Variants in MTFR1 observed in about 807,000 individuals in gnomAD.
The protein encoded by MTFR1 is mitochondrial fission regulator 1.
Under a neutral mutation model 38.8 loss-of-function variants are expected in MTFR1, and 28 were observed. The ratio of observed to expected loss-of-function variants is 0.72; its 90% CI spans 0.53 to 0.99. The LOEUF (loss-of-function observed/expected upper bound fraction) is 0.99, where lower values mean the gene tolerates loss of function less well. MTFR1 is among the 50% of genes least tolerant of loss of function. The probability of loss-of-function intolerance (pLI) is 0.00; values close to 1 mark genes in which losing one functional copy is unlikely to be tolerated. For synonymous variants in MTFR1, 145 were observed against 137.0 expected, an observed-to-expected ratio of 1.06 and a Z score of -0.41; for missense variants, 358 against 395.5, an observed-to-expected ratio of 0.91 and a Z score of 0.81.
rs200858272 is a variant in MTFR1, at chr8:65,707,243, C to T, written c.751C>T (p.Arg251Trp). The change falls in exon 6 of 8, where the codon CGG (arginine) becomes TGG (tryptophan). Residue 251 changes from arginine to tryptophan, a missense_variant. Arg to Trp is a moderately radical substitution (Grantham distance 101). Transcript: ENST00000262146. ...ILKEMNSVKL[R>W]SVKRSEQDVK... ...TAAAGAGATGAACAGTGTAAAACTT[C>T]GGTCAGTGAAGAGGTGAGGATACAT... The T allele has an allele frequency of 2.4e-5, 38 of 1,613,572 alleles. No homozygotes were observed. Among genetic ancestry groups the T allele is most frequent in the African/African-American group, 2.7e-5 (2 of 74,850 alleles).
At chr8:65,723,746 C>G (rs914286199) in intron 3 of MTFR1, 8 of 584,094 alleles carry the variant, frequency 1.4e-5, no homozygotes, top group Non-Finnish European at 1.9e-5. Flanking sequence ...GAGAGGACAG[C>G]TTCGCAATTA....
At chr8:65,761,760 A>G (rs1490389929) in intron 3 of MTFR1, among the ~76,000 whole-genome samples, 1 of 152,246 alleles carries the variant, frequency 6.6e-6, no homozygotes, top group Non-Finnish European at 1.5e-5. Context: ...AAAAAGTGGG[A>G]TAGCAGACGA....
chr8:65,721,158 C>T (rs140550332), intron 3 of MTFR1, among the ~76,000 whole-genome samples: 1 of 152,356 alleles, frequency 6.6e-6, no homozygotes, highest in African/African-American at 2.4e-5. Flanking sequence ...TCGAACACAG[C>T]TGTTCAACCA....
At chr8:65,750,496 G>GTC (rs1438457923) in intron 3 of MTFR1, among the ~76,000 whole-genome samples, 1 of 144,584 alleles carries the variant, frequency 6.9e-6, no homozygotes, top group Non-Finnish European at 1.5e-5. Context: ...GTGTGTGTGT[G>GTC]TGTGTGTCTG....
At chr8:65,696,333 A>C (rs1405037750) in intron 4 of MTFR1, among the ~76,000 whole-genome samples, 1 of 152,182 alleles carries the variant, frequency 6.6e-6, no homozygotes, top group Non-Finnish European at 1.5e-5. Context: ...TAAACTTTTT[A>C]TTTTGAGATA....
intron 1 of MTFR1, among the ~76,000 whole-genome samples, chr8:65,650,491 T>C (rs1444720368): frequency 6.6e-6 from 1 of 152,184 alleles, no homozygotes; most frequent in Non-Finnish European, 1.5e-5. Flanking sequence ...TATACTCTTA[T>C]CTGCATGAGT....
chr8:65,744,182 T>A (rs1807567563), intron 3 of MTFR1, among the ~76,000 whole-genome samples: 1 of 151,816 alleles, frequency 6.6e-6, no homozygotes, highest in South Asian at 2.1e-4. Context: ...AACAAAATAT[T>A]TCAAATAAGA....
chr8:65,707,206 G>T lies in MTFR1; in HGVS notation c.714G>T (p.Met238Ile), dbSNP rs143175982. Reference protein sequence around the residue: ...NNPKKPEMPNMLEILKEMNSV... With the variant: ...NNPKKPEMPNILEILKEMNSV... Reference sequence around the variant, plus strand: ...CAAAGAAACCTGAAATGCCAAATATGCTAGAGATCCTTAAAGAGATGAACA... The same window carrying T: ...CAAAGAAACCTGAAATGCCAAATATTCTAGAGATCCTTAAAGAGATGAACA... Residue 238 changes from methionine (M) to isoleucine (I), a missense_variant, in exon 6 of 8, where the codon ATG (methionine) becomes ATT (isoleucine). Physicochemically the swap from Met to Ile is conservative, Grantham distance 10. Transcript: ENST00000262146. The T allele has an allele frequency of 5.0e-6, 8 of 1,614,186 alleles. No individual in the cohort carries two copies. Among genetic ancestry groups the T allele is most frequent in the Non-Finnish European group, 6.8e-6 (8 of 1,180,020 alleles).
intron 4 of MTFR1, among the ~76,000 whole-genome samples, chr8:65,697,286 A>T (rs537479003): frequency 6.6e-6 from 1 of 152,268 alleles, no homozygotes; most frequent in East Asian, 1.9e-4. Flanking sequence ...CGCCTGGCCA[A>T]ACAAAGGTGT....
chr8:65,761,768 C>T (rs1029786830), intron 3 of MTFR1, among the ~76,000 whole-genome samples: 15 of 152,124 alleles, frequency 9.9e-5, no homozygotes, highest in African/African-American at 3.1e-4. Flanking sequence ...GGATAGCAGA[C>T]GAATGTAAAA....
intron 3 of MTFR1, among the ~76,000 whole-genome samples, chr8:65,743,569 T>C (rs992283104): frequency 6.6e-6 from 1 of 152,192 alleles, no homozygotes; most frequent in Non-Finnish European, 1.5e-5. Context: ...ACAGAAGGTA[T>C]AGACAAAGGT....
intron 2 of MTFR1, among the ~76,000 whole-genome samples, chr8:65,681,717 A>G (rs1334012763): frequency 2.1e-5 from 3 of 142,270 alleles, no homozygotes; most frequent in African/African-American, 7.9e-5. Context: ...GTCTTTAAGC[A>G]TAGCATAATG....
chr8:65,778,511 A>G, the MTFR1 span, among the ~76,000 whole-genome samples: 2 of 152,208 alleles, frequency 1.3e-5, no homozygotes, highest in Non-Finnish European at 2.9e-5. Flanking sequence ...ACTGTAGAGC[A>G]CAAGCAAGCC....
chr8:65,659,681 A>G (rs983080388), intron 1 of MTFR1, among the ~76,000 whole-genome samples: 28 of 152,210 alleles, frequency 1.8e-4, no homozygotes, highest in African/African-American at 6.5e-4. Context: ...GGCTGTTTAC[A>G]GTAACTAGGG....
rs541049339 is a variant in MTFR1 at position 65,707,780 on chromosome 8, G to A, written c.765-63G>A. 4.0e-5 allele frequency: 62 copies of A among 1,567,866 alleles called. No individual in the cohort carries two copies. The South Asian group carries it at 6.8e-4, about 17-fold the overall frequency. On this transcript the variant is annotated intron_variant, in intron 6 of 7. Transcript: ENST00000262146. The stretch of plus-strand genomic sequence containing the variant: ...TGCTGTCAGGCAAAAGGTTGACAAA[G>A]TACTTCCCTGAGGGTGGCCAGTGTA...
chr8:65,710,786 A>AATC (rs1383379833), downstream of MTFR1, among the ~76,000 whole-genome samples: 23 of 152,256 alleles, frequency 1.5e-4, no homozygotes, highest in Admixed American at 1.5e-3. Context: ...TCAAACCCAT[A>AATC]ATCTACTTCT....
chr8:65,752,634 C>A (rs764062563), intron 3 of MTFR1, among the ~76,000 whole-genome samples: 1 of 152,128 alleles, frequency 6.6e-6, no homozygotes, highest in Non-Finnish European at 1.5e-5. Flanking sequence ...TCATTGTTAA[C>A]CATTCTGGGT....
intron 2 of MTFR1, chr8:65,717,863 G>A (rs1806203726): frequency 1.3e-5 from 2 of 152,230 alleles, no homozygotes; most frequent in South Asian, 4.1e-4. Context: ...AAATACAAAT[G>A]AACTAAAAGA....
At chr8:65,694,131 G>C (rs1006126396) in intron 4 of MTFR1, among the ~76,000 whole-genome samples, 3 of 147,998 alleles carry the variant, frequency 2.0e-5, no homozygotes, top group African/African-American at 7.5e-5. Context: ...CTCCAGTGCA[G>C]TGGCGTGATC....
Sources: allele counts gnomAD v4.1 joint callset (sites outside exome capture counted in the v4.1 genomes callset), GRCh38; gene constraint gnomAD v4.1.1; transcripts MANE v1.5; gene names NCBI Gene and HGNC (gene_info 2026-07-23, HGNC 2026-07-21).